The following PARD3B variants were observed in gnomAD, a reference collection of about 807,000 sequenced individuals.
PARD3B encodes par-3 family cell polarity regulator beta.
Under a neutral mutation model 130.2 loss-of-function variants are expected in PARD3B, and 103 were observed. The ratio of observed to expected loss-of-function variants is 0.79; its 90% CI spans 0.67 to 0.93. The LOEUF (loss-of-function observed/expected upper bound fraction) is 0.93. Ranked by LOEUF, PARD3B falls within the 40% of genes least tolerant of loss-of-function variation. The probability of loss-of-function intolerance (pLI) is 0.00; values close to 1 mark genes in which losing one functional copy is unlikely to be tolerated. For missense variants in PARD3B, 1,609 were observed against 1,499.2 expected (o/e 1.07, Z -1.21); for synonymous variants, 583 against 553.2 (o/e 1.05, Z -0.76).
At chr2:204,564,149 C>T (rs560634398) in intron 1 of PARD3B, among the ~76,000 whole-genome samples, 3 of 152,146 alleles carry the variant, frequency 2.0e-5, no homozygotes, top group South Asian at 2.1e-4. Flanking sequence ...TCTGTAATTA[C>T]GTTCTTTTAC....
chr2:204,759,552 G>C (rs1210625103), intron 2 of PARD3B, among the ~76,000 whole-genome samples: 1 of 151,974 alleles, frequency 6.6e-6, no homozygotes, highest in Non-Finnish European at 1.5e-5. Flanking sequence ...TGTCATTATA[G>C]TTCACTATAT....
At chr2:204,743,507 T>A (rs2040093889) in intron 2 of PARD3B, among the ~76,000 whole-genome samples, 1 of 152,182 alleles carries the variant, frequency 6.6e-6, no homozygotes, top group Non-Finnish European at 1.5e-5. Context: ...GTAAGGTTTC[T>A]CATCATGTGC....
At chr2:205,549,728 C>A (rs951292775) in intron 21 of PARD3B, among the ~76,000 whole-genome samples, 23 of 152,142 alleles carry the variant, frequency 1.5e-4, no homozygotes, top group African/African-American at 5.6e-4. Context: ...TACATTTGTC[C>A]AAACCCATAG....
intron 22 of PARD3B, among the ~76,000 whole-genome samples, chr2:205,603,543 G>A (rs977541084): frequency 1.3e-5 from 2 of 152,134 alleles, no homozygotes; most frequent in Admixed American, 6.5e-5. Context: ...CCTGTATTGG[G>A]TGCATATATA....
rs3048088 is a variant in PARD3B at position 205,302,065 on chromosome 2, C to CTTTTTTTTTTTTTTT, written c.2630+373_2630+387dup. ...CTATTCTTTTTTTCTTTTTTCTTTT[C>CTTTTTTTTTTTTTTT]TTTTTTTTTTTTTTTTTTTTTTTGA... On this transcript the variant is annotated intron_variant, in intron 18 of 22. Transcript: ENST00000406610. Among the ~76,000 whole-genome samples the CTTTTTTTTTTTTTTT allele has an allele frequency of 9.1e-3, 704 of 77,718 alleles. 10 individuals are homozygous for CTTTTTTTTTTTTTTT. Among genetic ancestry groups the CTTTTTTTTTTTTTTT allele is most frequent in the Non-Finnish European group, 0.011 (479 of 44,996 alleles). The allele number at this position is 77,718 out of a possible 152,430, so 51.0% of individuals were successfully genotyped here.
rs1175127074 is a variant in PARD3B, at chr2:205,125,439, G to A, written c.1306-170G>A. 6.6e-6 allele frequency among the ~76,000 whole-genome samples: 1 copy of A among 152,186 alleles called. No homozygotes were observed. The highest frequency in any genetic ancestry group is 6.5e-5 in the Admixed American group (1 of 15,278). ...CTCTGAGTTCATCCAGCATCATGAT[G>A]ATGCATTATGGGAAATATTGTTGGG... On this transcript the variant is annotated intron_variant, in intron 9 of 22. Coordinates refer to ENST00000406610, the MANE Select transcript of PARD3B (RefSeq NM_001302769.2). This position sits in a 1 kb window ranked among gnomAD's most constrained non-coding sequence, Gnocchi z 4.0.
At chr2:205,293,379 A>G (rs999503708) in intron 16 of PARD3B, 1 of 152,220 alleles carries the variant, frequency 6.6e-6, no homozygotes, top group Non-Finnish European at 1.5e-5. Flanking sequence ...ACATACAAAG[A>G]GTTAATGGCA....
At chr2:205,494,528 C>A (rs1376683144) in intron 20 of PARD3B, among the ~76,000 whole-genome samples, 1 of 152,172 alleles carries the variant, frequency 6.6e-6, no homozygotes, top group Non-Finnish European at 1.5e-5. Context: ...ATTAATTGCC[C>A]AGAAATCTCA....
chr2:205,006,417 T>C (rs889875172), intron 3 of PARD3B, among the ~76,000 whole-genome samples: 2 of 152,220 alleles, frequency 1.3e-5, no homozygotes, highest in African/African-American at 4.8e-5. Flanking sequence ...CTAATTTACA[T>C]TTCCACCAGC....
intron 2 of PARD3B, among the ~76,000 whole-genome samples, chr2:204,745,450 TG>T (rs2125373177): frequency 6.6e-6 from 1 of 151,690 alleles, no homozygotes; most frequent in South Asian, 2.1e-4. Context: ...TCACCTGGGC[TG>T]GAGTGCAACT....
chr2:204,738,499 C>A (rs1017283257), intron 2 of PARD3B, among the ~76,000 whole-genome samples: 2 of 152,094 alleles, frequency 1.3e-5, no homozygotes, highest in Admixed American at 6.5e-5. Flanking sequence ...AATAAATTAC[C>A]ACATAGCTTC....
At chr2:205,206,616 T>G (rs1479537839) in intron 15 of PARD3B, among the ~76,000 whole-genome samples, 1 of 151,512 alleles carries the variant, frequency 6.6e-6, no homozygotes, top group East Asian at 1.9e-4. Context: ...CAGTCTATCA[T>G]TATTGGACAT....
intron 18 of PARD3B, among the ~76,000 whole-genome samples, chr2:205,330,936 G>A (rs1056989118): frequency 6.6e-6 from 1 of 152,126 alleles, no homozygotes; most frequent in Non-Finnish European, 1.5e-5. Context: ...GGCAAACCTA[G>A]ACCAAAGCCA....
intron 2 of PARD3B, among the ~76,000 whole-genome samples, chr2:204,886,214 G>A (rs1484616191): frequency 2.6e-5 from 4 of 152,132 alleles, no homozygotes; most frequent in East Asian, 3.9e-4. Context: ...TCCATCTACC[G>A]AATGGGATAT....
intron 22 of PARD3B, among the ~76,000 whole-genome samples, chr2:205,594,107 G>C (rs540675893): frequency 6.6e-6 from 1 of 152,176 alleles, no homozygotes; most frequent in Non-Finnish European, 1.5e-5. Flanking sequence ...GTGGTTTCTG[G>C]CAGGGCCATG....
intron 19 of PARD3B, among the ~76,000 whole-genome samples, chr2:205,414,634 A>G (rs1337094795): frequency 6.6e-6 from 1 of 152,082 alleles, no homozygotes; most frequent in Non-Finnish European, 1.5e-5. Context: ...TTTTGAAATA[A>G]TAGTGGACTC....
At chr2:205,129,742 A>G (rs544531715) in intron 10 of PARD3B, among the ~76,000 whole-genome samples, 3 of 152,164 alleles carry the variant, frequency 2.0e-5, no homozygotes, top group Non-Finnish European at 2.9e-5. Flanking sequence ...CTTCCTTGTT[A>G]TCGTTAGCTT....
At chr2:205,503,715 T>G (rs1196620092) in intron 21 of PARD3B, among the ~76,000 whole-genome samples, 1 of 152,138 alleles carries the variant, frequency 6.6e-6, no homozygotes, top group Non-Finnish European at 1.5e-5. Context: ...GTGAAGAAAG[T>G]CATTGGTAGC....
chr2:204,670,921 A>C (rs1035071540), intron 1 of PARD3B, among the ~76,000 whole-genome samples: 1 of 152,202 alleles, frequency 6.6e-6, no homozygotes, highest in East Asian at 1.9e-4. Flanking sequence ...AGTTAAAACC[A>C]TCAAAAATCT....
Sources: gnomAD v4.1 joint callset for allele counts (sites outside exome capture counted in the v4.1 genomes callset) on GRCh38, gnomAD v4.1.1 for gene constraint, Gnocchi (gnomAD v3.1) non-coding constraint, MANE v1.5 for transcripts, NCBI Gene and HGNC (gene_info 2026-07-23, HGNC 2026-07-21) for gene names.